Variants in ARV1 observed in about 807,000 individuals in gnomAD.
The protein encoded by ARV1 is protein ARV1.
Under a neutral mutation model 31.1 loss-of-function variants are expected in ARV1, and 26 were observed. The observed-to-expected ratio is 0.84, with a 90% CI of 0.61 to 1.16. The LOEUF is 1.16. Ranked by LOEUF, ARV1 falls within the 50% of genes most tolerant of loss-of-function variation. The probability of loss-of-function intolerance (pLI) is 0.00; values close to 1 mark genes in which losing one functional copy is unlikely to be tolerated. For synonymous variants in ARV1, 117 were observed against 123.2 expected, an observed-to-expected ratio of 0.95 and a Z score of 0.34; for missense variants, 281 against 324.9, an observed-to-expected ratio of 0.86 and a Z score of 1.04.
At chr1:230,986,486 C>T (rs1309987757) in intron 1 of ARV1, among the ~76,000 whole-genome samples, 2 of 152,000 alleles carry the variant, frequency 1.3e-5, no homozygotes, top group African/African-American at 2.4e-5. Context: ...TTTATCTTCT[C>T]AGAGTTTCCA....
intron 5 of ARV1, among the ~76,000 whole-genome samples, chr1:230,998,039 G>A (rs1012577541): frequency 2.6e-5 from 4 of 152,174 alleles, no homozygotes; most frequent in Non-Finnish European, 5.9e-5. Context: ...CCCTCTTCAC[G>A]TCAGTTCGTC....
chr1:230,994,937 GT>G (rs1055797668), intron 3 of ARV1, among the ~76,000 whole-genome samples: 1 of 152,172 alleles, frequency 6.6e-6, no homozygotes, highest in Non-Finnish European at 1.5e-5. Context: ...TGTTTCTGCT[GT>G]AATATAATAC....
chr1:230,994,246 C>A (rs1679303630), intron 3 of ARV1, among the ~76,000 whole-genome samples: 1 of 152,206 alleles, frequency 6.6e-6, no homozygotes, highest in African/African-American at 2.4e-5. Context: ...GTTATCTAGT[C>A]TAGCCTGTGT....
chr1:230,979,419 A>G, intron 1 of ARV1, 140 bp downstream of exon 1: 1 of 967,396 alleles, frequency 1.0e-6, no homozygotes, highest in Admixed American at 3.1e-5. Flanking sequence ...GAATATCTGT[A>G]CTGATAGAGA....
At chr1:230,996,275 C>A (rs893492615) in intron 4 of ARV1, among the ~76,000 whole-genome samples, 59 of 152,148 alleles carry the variant, frequency 3.9e-4, no homozygotes, top group African/African-American at 1.4e-3. Flanking sequence ...TCCTGGGGCT[C>A]TGAGGGTTAA....
At chr1:230,998,961 C>T (rs1679453238) in intron 5 of ARV1, among the ~76,000 whole-genome samples, 1 of 152,038 alleles carries the variant, frequency 6.6e-6, no homozygotes, top group Non-Finnish European at 1.5e-5. Flanking sequence ...TTTCTGAGTC[C>T]TCCTCCTCCC....
rs1278300143 is a variant in ARV1 at position 230,984,369 on chromosome 1, T to TGCGC, written c.175-3950_175-3949insCGCG. Among the ~76,000 whole-genome samples, 34 of 88,522 alleles carry TGCGC rather than the reference T, an allele frequency of 3.8e-4. 1 individual carries two copies. The highest frequency in any genetic ancestry group is 1.1e-3 in the African/African-American group (26 of 24,568). 58.1% of individuals were successfully genotyped at this position (88,522 alleles called of 152,430 possible). The stretch of plus-strand genomic sequence containing the variant: ...GTGTGTGTGTGTGTGTGTGCGTGTG[T>TGCGC]GTGTGTGTGTGTGTGTGTGTGTGTG... On this transcript the variant is annotated intron_variant, in intron 1 of 5. Coordinates refer to ENST00000310256, the MANE Select transcript of ARV1 (RefSeq NM_022786.3).
chr1:230,985,910 G>C (rs890690027), intron 1 of ARV1, among the ~76,000 whole-genome samples: 7 of 145,126 alleles, frequency 4.8e-5, no homozygotes, highest in African/African-American at 1.8e-4. Context: ...GCGTCAGTTT[G>C]ATTAAGCAGA....
At chr1:230,984,066 C>T (rs1168826017) in intron 1 of ARV1, among the ~76,000 whole-genome samples, 1 of 152,104 alleles carries the variant, frequency 6.6e-6, no homozygotes, top group Admixed American at 6.6e-5. Flanking sequence ...GAGACCACCC[C>T]CTGTCCCCCA....
intron 1 of ARV1, among the ~76,000 whole-genome samples, chr1:230,984,258 A>G (rs1678987510): frequency 6.7e-6 from 1 of 150,368 alleles, no homozygotes; most frequent in South Asian, 2.1e-4. Flanking sequence ...CTCAAAAAGG[A>G]AAGAAAAGAA....
chr1:230,986,910 T>C (rs1679098430), intron 1 of ARV1, among the ~76,000 whole-genome samples: 1 of 152,134 alleles, frequency 6.6e-6, no homozygotes, highest in South Asian at 2.1e-4. Flanking sequence ...ACAGCAAAAC[T>C]AGCACAATTT....
intron 5 of ARV1, among the ~76,000 whole-genome samples, chr1:230,997,882 A>T (rs986482087): frequency 2.0e-5 from 3 of 152,096 alleles, no homozygotes; most frequent in African/African-American, 7.2e-5. Flanking sequence ...AGAACCTCAG[A>T]AGATGTCATG....
At chr1:230,979,376 G>C in intron 1 of ARV1, 97 bp downstream of exon 1, 1 of 1,381,276 alleles carries the variant, frequency 7.2e-7, no homozygotes, top group East Asian at 2.4e-5. Flanking sequence ...TCTTTAGTTC[G>C]GTAGTTGACA....
At chr1:230,986,757 G>A (rs1311575416) in intron 1 of ARV1, among the ~76,000 whole-genome samples, 2 of 123,262 alleles carry the variant, frequency 1.6e-5, no homozygotes, top group African/African-American at 6.1e-5. Context: ...GGATGGGCTC[G>A]AACTTCTGGC....
intron 2 of ARV1, among the ~76,000 whole-genome samples, chr1:230,989,798 C>T (rs1239151527): frequency 6.6e-6 from 1 of 152,130 alleles, no homozygotes; most frequent in South Asian, 2.1e-4. Context: ...AGCAGTGATT[C>T]TTAACTAGGG....
intron 2 of ARV1, 102 bp downstream of exon 2, chr1:230,988,541 A>G (rs1679143938): frequency 1.9e-6 from 2 of 1,071,342 alleles, no homozygotes; most frequent in Non-Finnish European, 2.6e-6. Flanking sequence ...ATAAAAGAGG[A>G]AAAGAAATTC....
intron 3 of ARV1, among the ~76,000 whole-genome samples, chr1:230,992,407 C>G (rs1333132806): frequency 2.6e-5 from 4 of 152,214 alleles, no homozygotes; most frequent in Admixed American, 1.3e-4. Flanking sequence ...ATGACACTTT[C>G]TAAATGAAGT....
intron 1 of ARV1, among the ~76,000 whole-genome samples, chr1:230,980,661 A>G (rs531529334): frequency 6.6e-6 from 1 of 152,178 alleles, no homozygotes; most frequent in South Asian, 2.1e-4. Flanking sequence ...GTTTGCAACA[A>G]CATAAACCCA....
In ARV1 at chr1:230,988,779, A is replaced by G. The variant is rs1032673298; in HGVS notation, c.294+340A>G. On this transcript the variant is annotated intron_variant, in intron 2 of 5. Transcript: ENST00000310256. ...CAGGTAGGGAGAGAATTATACCTAA[A>G]TGAGTTAAGCAAACATTAAAAGAAA... Among the ~76,000 whole-genome samples, 5 of 152,356 alleles carry G rather than the reference A, an allele frequency of 3.3e-5. No homozygotes were observed. In the Middle Eastern group the frequency reaches 0.014, roughly 415 times the overall value.
Sources: allele counts gnomAD v4.1 joint callset (sites outside exome capture counted in the v4.1 genomes callset), GRCh38; gene constraint gnomAD v4.1.1; transcripts MANE v1.5; gene names NCBI Gene and HGNC (gene_info 2026-07-23, HGNC 2026-07-21).